Variants in E2F5 observed in about 807,000 individuals in gnomAD.
E2F5 encodes the protein transcription factor E2F5.
In E2F5, 23 loss-of-function variants were observed where a neutral mutation model predicts 39.1. That is an observed-to-expected ratio of 0.59 (90% CI 0.42 to 0.83). The LOEUF (loss-of-function observed/expected upper bound fraction) is 0.83, where lower values mean the gene tolerates loss of function less well. Ranked by LOEUF, E2F5 falls within the 40% of genes least tolerant of loss-of-function variation. E2F5 has a pLI of 0.00. For synonymous variants in E2F5, 145 were observed against 157.8 expected, an observed-to-expected ratio of 0.92 and a Z score of 0.61; for missense variants, 365 against 406.7, an observed-to-expected ratio of 0.90 and a Z score of 0.88.
At chr8:85,190,208 T>G (rs1812430600) in intron 1 of E2F5, among the ~76,000 whole-genome samples, 1 of 152,094 alleles carries the variant, frequency 6.6e-6, no homozygotes, top group African/African-American at 2.4e-5. Context: ...CACAGGTGTT[T>G]CCTGCTGCCT....
At chr8:85,183,573 A>G (rs1812268593) in intron 1 of E2F5, among the ~76,000 whole-genome samples, 1 of 152,252 alleles carries the variant, frequency 6.6e-6, no homozygotes, top group African/African-American at 2.4e-5. Flanking sequence ...CAGGCTTAGA[A>G]AGAAGAAAAT....
chr8:85,199,882 G>A (rs1391656258), intron 1 of E2F5, among the ~76,000 whole-genome samples: 1 of 152,168 alleles, frequency 6.6e-6, no homozygotes, highest in East Asian at 1.9e-4. Context: ...CTTACGATGA[G>A]GCCAGCTGAA....
Position 85,177,555 on chromosome 8 carries a change from G to T in E2F5, c.135G>T (p.Gly45=). ...PPPPPQLGGA[G]GGSSRHEKSL... Reference sequence around the variant, plus strand: ...CGCCGCCGCAGCTCGGGGGCGCCGGGGGCGGCAGCAGCAGGCACGAGAAGA... The same window carrying T: ...CGCCGCCGCAGCTCGGGGGCGCCGGTGGCGGCAGCAGCAGGCACGAGAAGA... The change falls in exon 1 of 8, where the codon GGG becomes GGT. Residue 45 remains glycine (G), a synonymous_variant. Coordinates refer to ENST00000416274, the MANE Select transcript of E2F5 (RefSeq NM_001951.4). 2 of 1,253,516 alleles carry T rather than the reference G, an allele frequency of 1.6e-6. No individual in the cohort carries two copies. The highest frequency in any genetic ancestry group is 3.0e-5 in the East Asian group (1 of 32,840). 77.6% of individuals were successfully genotyped at this position (1,253,516 alleles called of 1,614,324 possible). A position where few individuals can be genotyped will look rare whatever the true frequency, so the allele number is the denominator to read the frequency against.
At chr8:85,193,501 TA>T (rs1812514150) in intron 1 of E2F5, among the ~76,000 whole-genome samples, 1 of 152,082 alleles carries the variant, frequency 6.6e-6, no homozygotes. Context: ...AATCAATCAA[TA>T]AAATGCTCCT....
chr8:85,196,759 T>C (rs1280398093), intron 1 of E2F5, among the ~76,000 whole-genome samples: 1 of 152,236 alleles, frequency 6.6e-6, no homozygotes, highest in Non-Finnish European at 1.5e-5. Flanking sequence ...TTAAATTAGA[T>C]AATGTCTCTG....
chr8:85,207,871 G>A (rs1390439048), intron 5 of E2F5, among the ~76,000 whole-genome samples: 1 of 152,136 alleles, frequency 6.6e-6, no homozygotes, highest in East Asian at 1.9e-4. Flanking sequence ...TGAATATTGT[G>A]TTTAGACTTG....
chr8:85,186,539 TATATATGGTATATAC>T (rs1357644272), intron 1 of E2F5, among the ~76,000 whole-genome samples: 1 of 149,618 alleles, frequency 6.7e-6, no homozygotes, highest in Non-Finnish European at 1.5e-5. Flanking sequence ...ACGGTATATA[TATATATGGTATATAC>T]ATAAGGTATA....
intron 1 of E2F5, among the ~76,000 whole-genome samples, chr8:85,189,972 C>G (rs1446429639): frequency 1.3e-5 from 2 of 152,116 alleles, no homozygotes; most frequent in East Asian, 3.9e-4. Context: ...GACCTAGGAA[C>G]TCCGGGACTC....
intron 7 of E2F5, chr8:85,212,405 A>G: frequency 3.8e-6 from 2 of 531,532 alleles, no homozygotes; most frequent in South Asian, 4.5e-5. Context: ...TTTGAGGGAA[A>G]GGAATCCATA....
At chr8:85,202,697 GT>G (rs1812720433) in intron 2 of E2F5, among the ~76,000 whole-genome samples, 1 of 152,116 alleles carries the variant, frequency 6.6e-6, no homozygotes, top group Admixed American at 6.6e-5. Context: ...TTTGACCATA[GT>G]TTTTGTCTTG....
intron 7 of E2F5, chr8:85,212,809 G>A (rs1812965599): frequency 6.6e-6 from 1 of 151,996 alleles, no homozygotes; most frequent in Non-Finnish European, 1.5e-5. Flanking sequence ...TGTAGAAGCA[G>A]AGAACATCAG....
chr8:85,207,339 ACT>A (rs1812820233), intron 4 of E2F5, 84 bp from the exon 5 acceptor site: 1 of 1,182,420 alleles, frequency 8.5e-7, no homozygotes, highest in South Asian at 1.5e-5. Flanking sequence ...TGAACCAAAC[ACT>A]CTGATTCCAG....
intron 1 of E2F5, among the ~76,000 whole-genome samples, chr8:85,181,850 A>G (rs544897242): frequency 5.8e-4 from 88 of 151,556 alleles, no homozygotes; most frequent in Non-Finnish European, 8.5e-4. Flanking sequence ...AATCCCAGCT[A>G]CTTGGCAGGC....
At position 85,209,288 on chromosome 8, in the gene E2F5, C is replaced by T. The variant is rs1449793347; in HGVS notation, c.762C>T (p.Ser254=). Residue 254 remains serine (S), a synonymous_variant, in exon 6 of 8, where the codon TCC becomes TCT. Transcript: ENST00000416274. ...PPPDDLTQPS[S]QSLTPVTPQK... is the part of the protein sequence containing the mutation. ...CTGATGACCTCACACAGCCTTCCTC[C>T]CAGTCCTTGACTCCAGTGACTCCAC... The T allele has an allele frequency of 2.5e-6, 4 of 1,613,874 alleles. No homozygotes were observed. Among genetic ancestry groups the T allele is most frequent in the Middle Eastern group, 1.6e-4 (1 of 6,084 alleles).
chr8:85,197,131 G>A (rs939935246), intron 1 of E2F5, among the ~76,000 whole-genome samples: 22 of 152,136 alleles, frequency 1.4e-4, no homozygotes, highest in African/African-American at 3.4e-4. Flanking sequence ...CATAGTGTTC[G>A]TTTCTGAATC....
intron 3 of E2F5, among the ~76,000 whole-genome samples, chr8:85,205,660 T>A (rs373668762): frequency 6.6e-6 from 1 of 152,206 alleles, no homozygotes; most frequent in Non-Finnish European, 1.5e-5. Context: ...GTCTTCTGCC[T>A]CCTGACCACC....
At chr8:85,209,565 C>T (rs1812872372) in intron 6 of E2F5, among the ~76,000 whole-genome samples, 156 bp downstream of exon 6, 1 of 152,176 alleles carries the variant, frequency 6.6e-6, no homozygotes, top group African/African-American at 2.4e-5. Context: ...GGGGATAGGA[C>T]CCAAGTCTAA....
At chr8:85,203,918 G>A (rs185771609) in intron 3 of E2F5, among the ~76,000 whole-genome samples, 127 of 150,418 alleles carry the variant, frequency 8.4e-4, no homozygotes, top group Middle Eastern at 3.4e-3. Context: ...ACAAACCACC[G>A]TCTTCTCTCA....
intron 1 of E2F5, among the ~76,000 whole-genome samples, chr8:85,200,075 C>T (rs1812661273): frequency 6.6e-6 from 1 of 151,974 alleles, no homozygotes; most frequent in South Asian, 2.1e-4. Flanking sequence ...GGTGAAACCT[C>T]GTCTCTACTA....
Sources: allele counts gnomAD v4.1 joint callset (sites outside exome capture counted in the v4.1 genomes callset), GRCh38; gene constraint gnomAD v4.1.1; transcripts MANE v1.5; gene names NCBI Gene and HGNC (gene_info 2026-07-23, HGNC 2026-07-21).